Variants in SCN11A observed in about 807,000 individuals in gnomAD.
The protein encoded by SCN11A is sodium channel protein type 11 subunit alpha.
A neutral mutation model predicts 162.2 loss-of-function variants in SCN11A; 122 were observed. The observed-to-expected ratio is 0.75, with a 90% CI of 0.65 to 0.87. SCN11A has a LOEUF of 0.87. SCN11A is among the 40% of genes least tolerant of loss of function. The probability of loss-of-function intolerance (pLI) is 0.00; values close to 1 mark genes in which losing one functional copy is unlikely to be tolerated. For missense variants in SCN11A, 2,015 were observed against 2,181.6 expected, an observed-to-expected ratio of 0.92 and a Z score of 1.52; for synonymous variants, 758 against 751.5, an observed-to-expected ratio of 1.01 and a Z score of -0.14.
At chr3:38,871,932 T>C (rs1457378521) in intron 24 of SCN11A, among the ~76,000 whole-genome samples, 4 of 152,148 alleles carry the variant, frequency 2.6e-5, no homozygotes, top group Non-Finnish European at 1.5e-5. Flanking sequence ...GCCCTGGTGA[T>C]GACAGTGTTA....
At chr3:38,913,633 T>C (rs1307544477) in intron 11 of SCN11A, among the ~76,000 whole-genome samples, 2 of 152,188 alleles carry the variant, frequency 1.3e-5, no homozygotes, top group Admixed American at 1.3e-4. Context: ...TTTGGGGATT[T>C]ACATTTAAGT....
intron 3 of SCN11A, among the ~76,000 whole-genome samples, chr3:38,956,994 G>T (rs923883985): frequency 6.6e-6 from 1 of 152,076 alleles, no homozygotes; most frequent in African/African-American, 2.4e-5. Context: ...AGCCCAGAAG[G>T]ATTACCATCA....
At chr3:39,041,495 A>T (rs1482719113) in intron 1 of SCN11A, among the ~76,000 whole-genome samples, 1 of 152,230 alleles carries the variant, frequency 6.6e-6, no homozygotes. Context: ...TCCCCATTAG[A>T]CTAACAGCAT....
In SCN11A at chr3:38,853,368, A is replaced by G. The variant is rs1468645185; in HGVS notation, c.4057-2617T>C. ...AAAGTGAAATTAGTACTAGAAAGTG[A>G]GATTGGTATTTAAAAGCTAGATTCA... On this transcript the variant is annotated intron_variant, in intron 28 of 29. Coordinates refer to ENST00000302328, the MANE Select transcript of SCN11A (RefSeq NM_001349253.2). Among the ~76,000 whole-genome samples, 4 of 152,304 alleles carry G rather than the reference A, an allele frequency of 2.6e-5. No homozygotes were observed. In the South Asian group the frequency reaches 8.3e-4, roughly 32 times the overall value.
At chr3:38,910,542 T>G (rs1252558885) in intron 11 of SCN11A, among the ~76,000 whole-genome samples, 2 of 152,218 alleles carry the variant, frequency 1.3e-5, no homozygotes, top group Non-Finnish European at 2.9e-5. Context: ...AACAGTTACT[T>G]TTGTAAATTT....
intron 19 of SCN11A, among the ~76,000 whole-genome samples, chr3:38,890,792 G>A (rs1206610759): frequency 6.6e-6 from 1 of 152,220 alleles, no homozygotes; most frequent in Non-Finnish European, 1.5e-5. Context: ...GCACATCCAA[G>A]GATGTACTCT....
chr3:38,992,492 T>A (rs1184156515), intron 2 of SCN11A, among the ~76,000 whole-genome samples: 1 of 152,236 alleles, frequency 6.6e-6, no homozygotes, highest in African/African-American at 2.4e-5. Context: ...CTCTGGTGGA[T>A]CTGCCTTCCC....
chr3:38,950,162 G>C lies in SCN11A; in HGVS notation c.201C>G (p.Gly67=). 6.2e-7 allele frequency: 1 copy of C among 1,610,442 alleles called. No individual in the cohort carries two copies. The highest frequency in any genetic ancestry group is 8.5e-7 in the Non-Finnish European group (1 of 1,179,568). The change falls in exon 5 of 30, where the codon GGC becomes GGG. Residue 67 remains glycine (G), a synonymous_variant. Transcript: ENST00000302328. ...KASRKLPKLY[G]DIPRELIGKP... is the part of the protein sequence containing the mutation. ...TTCCTATGAGCTCACGAGGAATGTCGCCATAGAGCTTGGGCAACTTCCTGG... is the reference window on the plus strand; with the variant it reads ...TTCCTATGAGCTCACGAGGAATGTCCCCATAGAGCTTGGGCAACTTCCTGG...
rs1200084816 is a variant in SCN11A, at chr3:38,937,510, T to G, written c.488+7901A>C. On this transcript the variant is annotated intron_variant, in intron 7 of 29. Coordinates refer to ENST00000302328, the MANE Select transcript of SCN11A (RefSeq NM_001349253.2). ...CTAATATCCAGAATCTACAATGAAC[T>G]CAAACAAATTTATAAGAAAAAAACA... 2.0e-5 allele frequency among the ~76,000 whole-genome samples: 3 copies of G among 151,274 alleles called. No individual in the cohort carries two copies. The South Asian group carries it at 6.3e-4, about 32-fold the overall frequency.
intron 23 of SCN11A, among the ~76,000 whole-genome samples, chr3:38,872,949 A>G (rs2065152987): frequency 6.6e-6 from 1 of 152,328 alleles, no homozygotes. Flanking sequence ...AAAAAGTTAC[A>G]TGGAAAAAAT....
chr3:39,007,479 G>C lies in SCN11A; in HGVS notation c.-280+24901C>G, dbSNP rs1028836831. On this transcript the variant is annotated intron_variant, in intron 2 of 29. Transcript: ENST00000302328. ...GGCTGGGTTCCCTGGATAGCCTCAG[G>C]ATAGGGTCTGGTTGCCAGAAAGACT... Among the ~76,000 whole-genome samples the C allele has an allele frequency of 3.3e-5, 5 of 152,142 alleles. No homozygotes were observed. The South Asian group carries it at 1.0e-3, about 31-fold the overall frequency.
intron 16 of SCN11A, among the ~76,000 whole-genome samples, chr3:38,902,545 T>G: frequency 6.7e-6 from 1 of 148,212 alleles, no homozygotes; most frequent in Non-Finnish European, 1.5e-5. Context: ...TGAGATGGAG[T>G]CTCACTTTGT....
At chr3:38,994,187 T>C (rs533912047) in intron 2 of SCN11A, among the ~76,000 whole-genome samples, 1 of 152,334 alleles carries the variant, frequency 6.6e-6, no homozygotes, top group East Asian at 1.9e-4. Context: ...ACTAACTCAG[T>C]GATATACTTT....
intron 2 of SCN11A, among the ~76,000 whole-genome samples, chr3:38,981,190 A>T (rs982201849): frequency 3.3e-5 from 5 of 152,100 alleles, no homozygotes; most frequent in Admixed American, 6.5e-5. Flanking sequence ...TTTCTTCCTT[A>T]TCTTCCTAAT....
At chr3:38,847,823 T>C in intron 29 of SCN11A, 81 bp from the exon 30 acceptor site, 1 of 778,824 alleles carries the variant, frequency 1.3e-6, no homozygotes, top group Non-Finnish European at 2.0e-6. Context: ...CTCAGAATCC[T>C]ATGGGGGCCA....
intron 13 of SCN11A, 42 bp downstream of exon 13, chr3:38,908,955 C>T: frequency 1.3e-6 from 2 of 1,580,998 alleles, no homozygotes; most frequent in Non-Finnish European, 1.7e-6. Flanking sequence ...GACCCCTTCC[C>T]CTCCCCAGAG....
intron 22 of SCN11A, among the ~76,000 whole-genome samples, chr3:38,882,745 T>C (rs894614280): frequency 3.3e-5 from 5 of 152,150 alleles, no homozygotes; most frequent in Non-Finnish European, 4.4e-5. Context: ...AAGCAACATC[T>C]CCTTGTCCTT....
intron 7 of SCN11A, among the ~76,000 whole-genome samples, chr3:38,933,406 T>G (rs2066276991): frequency 6.6e-6 from 1 of 152,138 alleles, no homozygotes; most frequent in Non-Finnish European, 1.5e-5. Context: ...GAAGAAGGCT[T>G]CAGACGATCA....
chr3:39,005,855 G>A (rs1211664392), intron 2 of SCN11A, among the ~76,000 whole-genome samples: 1 of 151,738 alleles, frequency 6.6e-6, no homozygotes, highest in Admixed American at 6.6e-5. Context: ...ACTACCTCTC[G>A]GATTTGTTTT....
Sources: allele counts gnomAD v4.1 joint callset (sites outside exome capture counted in the v4.1 genomes callset), GRCh38; gene constraint gnomAD v4.1.1; transcripts MANE v1.5; gene names NCBI Gene and HGNC (gene_info 2026-07-23, HGNC 2026-07-21).